The following MYO9A variants were observed in gnomAD, a reference collection of about 807,000 sequenced individuals.
The protein encoded by MYO9A is unconventional myosin-IXa.
A neutral mutation model predicts 293.3 loss-of-function variants in MYO9A; 103 were observed. That is an observed-to-expected ratio of 0.35 (90% confidence interval 0.30 to 0.41). The LOEUF (loss-of-function observed/expected upper bound fraction) is 0.41. Ranked by LOEUF, MYO9A falls within the 10% of genes least tolerant of loss-of-function variation. MYO9A has a pLI of 1.00. For missense variants in MYO9A, 2,685 were observed against 3,033.0 expected (o/e 0.89, Z 2.69); for synonymous variants, 1,001 against 1,035.7 (o/e 0.97, Z 0.64).
intron 1 of MYO9A, among the ~76,000 whole-genome samples, chr15:72,059,319 A>T (rs374845760): frequency 2.0e-5 from 3 of 152,238 alleles, no homozygotes; most frequent in Non-Finnish European, 4.4e-5. Context: ...AAAATGTGCA[A>T]GTCTTCAGGA....
intron 6 of MYO9A, among the ~76,000 whole-genome samples, chr15:72,011,989 T>C (rs2077188727): frequency 6.6e-6 from 1 of 152,236 alleles, no homozygotes; most frequent in Non-Finnish European, 1.5e-5. Flanking sequence ...CATTCCTTTT[T>C]CAGAAATAAA....
intron 19 of MYO9A, among the ~76,000 whole-genome samples, chr15:71,910,127 C>CGTGTGT (rs2057794748): frequency 8.7e-6 from 1 of 114,726 alleles, no homozygotes; most frequent in Non-Finnish European, 1.9e-5. Flanking sequence ...TATATATACA[C>CGTGTGT]GTGTATATAT....
chr15:71,873,143 C>G (rs2056573098), intron 32 of MYO9A, among the ~76,000 whole-genome samples: 1 of 151,640 alleles, frequency 6.6e-6, no homozygotes, highest in Admixed American at 6.6e-5. Flanking sequence ...TCTCGAACTC[C>G]CGACCTCAGG....
chr15:71,903,875 G>T, intron 21 of MYO9A, 54 bp downstream of exon 21: 6 of 1,406,652 alleles, frequency 4.3e-6, no homozygotes, highest in Non-Finnish European at 5.0e-6. Flanking sequence ...AAGATATGTG[G>T]GAATCATTTA....
intron 1 of MYO9A, among the ~76,000 whole-genome samples, chr15:72,050,080 CT>C (rs924970930): frequency 3.3e-5 from 5 of 151,950 alleles, no homozygotes; most frequent in African/African-American, 7.3e-5. Context: ...AAGTGTTTAC[CT>C]TTTTTGAGTC....
intron 19 of MYO9A, among the ~76,000 whole-genome samples, chr15:71,915,339 C>A (rs1313890747): frequency 4.0e-5 from 6 of 151,746 alleles, no homozygotes; most frequent in African/African-American, 7.3e-5. Context: ...AAATTCATGG[C>A]AGTGATTTCA....
intron 40 of MYO9A, among the ~76,000 whole-genome samples, chr15:71,829,651 A>G (rs1027551924): frequency 5.9e-5 from 9 of 151,806 alleles, no homozygotes; most frequent in Non-Finnish European, 1.2e-4. Flanking sequence ...ACCTTCCTTC[A>G]TGGATTTGTG....
chr15:71,901,101 T>C (rs1430183549), intron 23 of MYO9A, 90 bp downstream of exon 23: 60 of 1,375,110 alleles, frequency 4.4e-5, no homozygotes, highest in Non-Finnish European at 5.2e-5. Flanking sequence ...ACATTATTAC[T>C]GAAAATGTTT....
chr15:71,876,839 C>T (rs2056710080), intron 31 of MYO9A, among the ~76,000 whole-genome samples: 1 of 152,146 alleles, frequency 6.6e-6, no homozygotes. Flanking sequence ...CGGAAAAACT[C>T]TTTTCCATAT....
At chr15:72,116,535 C>A (rs901453913) in intron 1 of MYO9A, among the ~76,000 whole-genome samples, 1 of 151,970 alleles carries the variant, frequency 6.6e-6, no homozygotes, top group Admixed American at 6.6e-5. Context: ...CAGCACCAGG[C>A]AACAGAAGTT....
In MYO9A at chr15:72,010,411, C is replaced by T. The variant is rs2077139341; in HGVS notation, c.1192G>A (p.Asp398Asn). Reference sequence around the variant, plus strand: ...ATGGCAAGTTGTAGGCGCTCAAAGTCATGTCTCAAATCTTCTCCTTCCACC... The same window carrying T: ...ATGGCAAGTTGTAGGCGCTCAAAGTTATGTCTCAAATCTTCTCCTTCCACC... ...FTVEGEDLRHDFERLQLAMEM... is the reference protein window; with the variant it reads ...FTVEGEDLRHNFERLQLAMEM... The change falls in exon 7 of 42, where the codon GAC (aspartate) becomes AAC (asparagine). Residue 398 changes from aspartate (D) to asparagine (N), a missense_variant. Physicochemically the swap from Asp to Asn is conservative, Grantham distance 23. Around this residue, in one of 10 missense-constraint regions of MYO9A, gnomAD observed 289 missense variants for 456.8 expected, o/e 0.63. Coordinates refer to ENST00000356056, the MANE Select transcript of MYO9A (RefSeq NM_006901.4). 6.2e-7 allele frequency: 1 copy of T among 1,613,280 alleles called. No individual in the cohort carries two copies. The highest frequency in any genetic ancestry group is 1.3e-5 in the African/African-American group (1 of 74,870).
chr15:71,943,887 G>A (rs1025138526), intron 15 of MYO9A, among the ~76,000 whole-genome samples: 1 of 152,062 alleles, frequency 6.6e-6, no homozygotes, highest in South Asian at 2.1e-4. Flanking sequence ...AAATAACTGA[G>A]ATTTGAATTC....
intron 1 of MYO9A, among the ~76,000 whole-genome samples, chr15:72,097,044 A>G (rs1596561637): frequency 6.6e-6 from 1 of 152,236 alleles, no homozygotes; most frequent in African/African-American, 2.4e-5. Context: ...AGATGCTGAG[A>G]ACACTGTTGA....
intron 11 of MYO9A, among the ~76,000 whole-genome samples, chr15:71,981,398 A>C (rs1466084667): frequency 6.6e-6 from 1 of 152,236 alleles, no homozygotes; most frequent in Admixed American, 6.5e-5. Flanking sequence ...CCGTGGAGCC[A>C]CCATGGCTTG....
Position 72,071,286 on chromosome 15 carries a change from T to C in MYO9A, c.-71-24652A>G, listed in dbSNP as rs193269110. Among the ~76,000 whole-genome samples, 218 of 151,534 alleles carry C rather than the reference T, an allele frequency of 1.4e-3. 1 individual carries two copies. The highest frequency in any genetic ancestry group is 5.1e-3 in the African/African-American group (209 of 41,314). The stretch of plus-strand genomic sequence containing the variant: ...ATGACATACAAGCAGCCAACAAATA[T>C]GAAAAAAATGCTCAGCATCACTAAT... On this transcript the variant is annotated intron_variant, in intron 1 of 41. Coordinates refer to ENST00000356056, the MANE Select transcript of MYO9A (RefSeq NM_006901.4).
intron 11 of MYO9A, among the ~76,000 whole-genome samples, chr15:71,990,017 A>G (rs1334104875): frequency 6.6e-6 from 1 of 151,966 alleles, no homozygotes; most frequent in East Asian, 1.9e-4. Flanking sequence ...CAGAGCAAGA[A>G]GACCCATCTC....
At chr15:71,939,401 G>C (rs950830435) in intron 15 of MYO9A, among the ~76,000 whole-genome samples, 1 of 152,010 alleles carries the variant, frequency 6.6e-6, no homozygotes, top group African/African-American at 2.4e-5. Context: ...TGTTTCCTTC[G>C]TGTTCATAAG....
chr15:71,884,632 A>G (rs1344407855), intron 27 of MYO9A, among the ~76,000 whole-genome samples: 1 of 152,144 alleles, frequency 6.6e-6, no homozygotes, highest in East Asian at 1.9e-4. Flanking sequence ...CGCTTTCATC[A>G]TCTACATCAA....
At chr15:71,884,897 T>G (rs1457994315) in intron 27 of MYO9A, among the ~76,000 whole-genome samples, 1 of 151,686 alleles carries the variant, frequency 6.6e-6, no homozygotes, top group Non-Finnish European at 1.5e-5. Flanking sequence ...ACAGGCCTGA[T>G]GGAGATGGAA....
Sources: allele counts gnomAD v4.1 joint callset (sites outside exome capture counted in the v4.1 genomes callset), GRCh38; gene constraint gnomAD v4.1.1; regional missense constraint gnomAD v4.1.1; transcripts MANE v1.5; gene names NCBI Gene and HGNC (gene_info 2026-07-23, HGNC 2026-07-21).